Variants in NLRP14 observed in about 807,000 individuals in gnomAD.
The protein encoded by NLRP14 is NLR family pyrin domain containing 14.
NLRP14 carries 105 observed loss-of-function variants against 94.7 expected under a neutral mutation model. The ratio of observed to expected loss-of-function variants is 1.11; its 90% CI spans 0.95 to 1.30. The LOEUF (loss-of-function observed/expected upper bound fraction) is 1.30. NLRP14 is among the 50% of genes most tolerant of loss of function. The pLI is 0.00. For missense variants in NLRP14, 1,362 were observed against 1,254.1 expected (o/e 1.09, Z -1.30); for synonymous variants, 508 against 459.9 (o/e 1.10, Z -1.34).
At chr11:7,053,679 A>G (rs1852475633) in intron 6 of NLRP14, among the ~76,000 whole-genome samples, 1 of 151,760 alleles carries the variant, frequency 6.6e-6, no homozygotes, top group African/African-American at 2.4e-5. Flanking sequence ...TTAGGTACAT[A>G]GTAGGTGTGT....
downstream of NLRP14, among the ~76,000 whole-genome samples, chr11:7,073,843 C>T (rs529132248): frequency 6.6e-6 from 1 of 152,298 alleles, no homozygotes; most frequent in Non-Finnish European, 1.5e-5. Context: ...GTTTAGCAAC[C>T]AGGGAGCTCT....
At chr11:7,049,930 T>C in intron 6 of NLRP14, 92 bp downstream of exon 6, 3 of 1,067,018 alleles carry the variant, frequency 2.8e-6, no homozygotes, top group Admixed American at 1.7e-5. Flanking sequence ...TTGCTATTCA[T>C]AGGACCGGCT....
intron 6 of NLRP14, among the ~76,000 whole-genome samples, chr11:7,051,917 G>A (rs35533608): frequency 0.18 from 26,683 of 152,206 alleles, 2,925 homozygotes; most frequent in Non-Finnish European, 0.25. Flanking sequence ...CATCGCACCT[G>A]GCCCATAATC....
At chr11:7,076,317 A>G (rs1369817605), downstream of NLRP14, among the ~76,000 whole-genome samples, 2 of 152,202 alleles carry the variant, frequency 1.3e-5, no homozygotes, top group Non-Finnish European at 2.9e-5. Flanking sequence ...AAAAGCAAAT[A>G]GAGTCTTCAA....
intron 10 of NLRP14, among the ~76,000 whole-genome samples, chr11:7,065,125 C>T (rs1313274976): frequency 6.6e-6 from 1 of 152,044 alleles, no homozygotes; most frequent in Non-Finnish European, 1.5e-5. Context: ...TACATATGTA[C>T]TGCCCCCCAA....
rs755533796 is a variant in NLRP14 at position 7,046,719 on chromosome 11, T to C, written c.2010T>C (p.His670=). ...GGCAAGATCTCTGTTCTGTGCTTCATACAAATGAACACTTGAGAGAATTGG... is the reference window on the plus strand; with the variant it reads ...GGCAAGATCTCTGTTCTGTGCTTCACACAAATGAACACTTGAGAGAATTGG... ...HCWQDLCSVL[H]TNEHLRELDL... is the part of the protein sequence containing the mutation. Residue 670 remains histidine, a synonymous_variant, in exon 5 of 12, where the codon CAT becomes CAC. Coordinates refer to ENST00000299481, the MANE Select transcript of NLRP14 (RefSeq NM_176822.4). 8 of 1,613,448 alleles carry C rather than the reference T, an allele frequency of 5.0e-6. No homozygotes were observed. The highest frequency in any genetic ancestry group is 2.2e-5 in the East Asian group (1 of 44,892).
chr11:7,088,976 G>A, the NLRP14 span: 1 of 936,992 alleles, frequency 1.1e-6, no homozygotes, highest in Non-Finnish European at 1.6e-6. Context: ...GCCCTGCAGC[G>A]GGGCTCCGGC....
At chr11:7,027,977 C>T (rs1852037927) in intron 1 of NLRP14, among the ~76,000 whole-genome samples, 1 of 152,136 alleles carries the variant, frequency 6.6e-6, no homozygotes, top group African/African-American at 2.4e-5. Context: ...ATTACCGCCT[C>T]CCAGGTCTGC....
At chr11:7,077,660 A>C in the NLRP14 span, among the ~76,000 whole-genome samples, 1 of 152,264 alleles carries the variant, frequency 6.6e-6, no homozygotes, top group Non-Finnish European at 1.5e-5. Flanking sequence ...CAATCATGGC[A>C]GAAGGTGAAA....
At chr11:7,072,333 A>G (rs1387141714), downstream of NLRP14, among the ~76,000 whole-genome samples, 1 of 152,212 alleles carries the variant, frequency 6.6e-6, no homozygotes, top group East Asian at 1.9e-4. Context: ...TTTTCCTGTT[A>G]TCAGCCGGAA....
chr11:7,086,908 A>T, the NLRP14 span, among the ~76,000 whole-genome samples: 3 of 152,148 alleles, frequency 2.0e-5, no homozygotes, highest in African/African-American at 7.2e-5. Flanking sequence ...AACAATAACC[A>T]TGGAAGTTAA....
chr11:7,042,601 T>G lies in NLRP14; in HGVS notation c.575T>G (p.Leu192Trp), dbSNP rs1168513351. 1.2e-6 allele frequency: 2 copies of G among 1,614,208 alleles called. No homozygotes were observed. Among genetic ancestry groups the G allele is most frequent in the Non-Finnish European group, 8.5e-7 (1 of 1,180,044 alleles). ...GCTGCTGGAGTTGGGAAAACAACCT[T>G]GGTGAGAAAGGCAATGTTAGATTGG... ...QGAAGVGKTT[L>W]VRKAMLDWAE... Residue 192 changes from leucine to tryptophan, a missense_variant, in exon 4 of 12, where the codon TTG becomes TGG. Physicochemically the swap from Leu to Trp is moderately conservative, Grantham distance 61. Coordinates refer to ENST00000299481, the MANE Select transcript of NLRP14 (RefSeq NM_176822.4).
chr11:7,059,526 G>GA (rs1178396782), intron 8 of NLRP14, among the ~76,000 whole-genome samples: 1 of 151,892 alleles, frequency 6.6e-6, no homozygotes, highest in East Asian at 1.9e-4. Flanking sequence ...CTTACTGTTT[G>GA]AAAATGCCGC....
intron 3 of NLRP14, among the ~76,000 whole-genome samples, chr11:7,041,439 A>G (rs763685513): frequency 1.3e-4 from 20 of 152,118 alleles, no homozygotes; most frequent in Non-Finnish European, 2.5e-4. Context: ...TTTTTCCAGG[A>G]GAGGATCATA....
chr11:7,077,091 T>C, the NLRP14 span, among the ~76,000 whole-genome samples: 34 of 152,288 alleles, frequency 2.2e-4, no homozygotes, highest in African/African-American at 7.9e-4. Flanking sequence ...CCCGGGATTC[T>C]ATCCCAGGGT....
the NLRP14 span, chr11:7,089,066 C>A: frequency 3.8e-4 from 597 of 1,574,906 alleles, no homozygotes; most frequent in Non-Finnish European, 3.7e-4. Context: ...AAGGCTGCGA[C>A]TGGCGCCGCC....
chr11:7,038,920 T>G (rs1303445785), intron 2 of NLRP14, 45 bp downstream of exon 2: 1 of 1,586,002 alleles, frequency 6.3e-7, no homozygotes, highest in South Asian at 1.1e-5. Flanking sequence ...AGGAAGGAAG[T>G]GTTTCCTGGA....
the NLRP14 span, chr11:7,088,990 G>A: frequency 3.7e-6 from 4 of 1,091,464 alleles, no homozygotes; most frequent in Non-Finnish European, 5.4e-6. Context: ...CTCCGGCTGC[G>A]GTTCCGTGGA....
rs779403071 is a variant in NLRP14 at position 7,042,837 on chromosome 11, C to T, written c.811C>T (p.Pro271Ser). Reference sequence around the variant, plus strand: ...TGAACTGAACTTTGCCTTTGAAGAACCTGAGTTTGCACTGTGCGAAGACTG... The same window carrying T: ...TGAACTGAACTTTGCCTTTGAAGAATCTGAGTTTGCACTGTGCGAAGACTG... Reference protein sequence around the residue: ...FDELNFAFEEPEFALCEDWTQ... With the variant: ...FDELNFAFEESEFALCEDWTQ... The change falls in exon 4 of 12, where the codon CCT becomes TCT. Residue 271 changes from proline (P) to serine (S), a missense_variant. Pro to Ser is a moderately conservative substitution (Grantham distance 74). Coordinates refer to ENST00000299481, the MANE Select transcript of NLRP14 (RefSeq NM_176822.4). The T allele has an allele frequency of 4.3e-6, 7 of 1,614,126 alleles. No homozygotes were observed. In the South Asian group the frequency reaches 6.6e-5, roughly 15 times the overall value.
Sources: gnomAD v4.1 joint callset for allele counts (sites outside exome capture counted in the v4.1 genomes callset) on GRCh38, gnomAD v4.1.1 for gene constraint, MANE v1.5 for transcripts, NCBI Gene and HGNC (gene_info 2026-07-23, HGNC 2026-07-21) for gene names.